SNX29: variants seen among roughly 807,000 people sequenced by gnomAD.
SNX29 encodes sorting nexin 29, also known as sorting nexin-29.
In SNX29, 78 loss-of-function variants were observed where a neutral mutation model predicts 102.1. The ratio of observed to expected loss-of-function variants is 0.76; its 90% confidence interval spans 0.64 to 0.92. The LOEUF (loss-of-function observed/expected upper bound fraction) is 0.92. Ranked by LOEUF, SNX29 falls within the 40% of genes least tolerant of loss-of-function variation. SNX29 has a pLI of 0.00. For missense variants in SNX29, 1,280 were observed against 1,061.7 expected (o/e 1.21, Z -2.86); for synonymous variants, 580 against 414.5 (o/e 1.40, Z -4.85).
intron 20 of SNX29, among the ~76,000 whole-genome samples, chr16:12,550,664 A>C (rs2077917123): frequency 6.6e-6 from 1 of 152,188 alleles, no homozygotes; most frequent in South Asian, 2.1e-4. Flanking sequence ...GTGGAGGACC[A>C]AGGTGGGAAG....
intron 15 of SNX29, among the ~76,000 whole-genome samples, chr16:12,325,524 C>G (rs544151056): frequency 6.6e-6 from 1 of 152,214 alleles, no homozygotes; most frequent in South Asian, 2.1e-4. Flanking sequence ...GAACTCATTG[C>G]TGAAGTTTAG....
Position 12,570,364 on chromosome 16 carries a change from T to A in SNX29, c.*1735T>A, listed in dbSNP as rs2079161143. 2.1e-6 allele frequency: 1 copy of A among 480,166 alleles called. No homozygotes were observed. Among genetic ancestry groups the A allele is most frequent in the Non-Finnish European group, 2.9e-6 (1 of 343,752 alleles). 29.7% of individuals were successfully genotyped at this position (480,166 alleles called of 1,614,324 possible). ...CACTCACCTGCCAACATTGCTGCAA[T>A]ACACATGGTTTATCTGAAATTCCAA... is the stretch of plus-strand genomic sequence containing the variant. On this transcript the variant is annotated 3_prime_UTR_variant, in exon 21 of 21. Coordinates refer to ENST00000566228, the MANE Select transcript of SNX29 (RefSeq NM_032167.5).
intron 15 of SNX29, among the ~76,000 whole-genome samples, chr16:12,294,350 C>G (rs1596793423): frequency 6.6e-6 from 1 of 152,192 alleles, no homozygotes; most frequent in East Asian, 1.9e-4. Flanking sequence ...CAGTGTCACT[C>G]TCAGTGGAAC....
At chr16:12,556,767 C>G (rs1423336476) in intron 20 of SNX29, among the ~76,000 whole-genome samples, 1 of 152,104 alleles carries the variant, frequency 6.6e-6, no homozygotes, top group Admixed American at 6.6e-5. Context: ...CCCCAGAGTT[C>G]TGGTTTGAGC....
intron 18 of SNX29, among the ~76,000 whole-genome samples, chr16:12,418,538 G>C (rs1333104926): frequency 2.0e-5 from 3 of 148,302 alleles, no homozygotes; most frequent in Non-Finnish European, 4.5e-5. Flanking sequence ...TTTTTGAGAT[G>C]GAGTCTCACT....
intron 4 of SNX29, among the ~76,000 whole-genome samples, chr16:12,030,002 T>A (rs1202746407): frequency 1.3e-5 from 2 of 152,336 alleles, no homozygotes; most frequent in Middle Eastern, 3.4e-3. Flanking sequence ...CAGTTACTGT[T>A]GCTGAGCTGC....
At chr16:12,041,192 C>T (rs2049866957) in intron 4 of SNX29, among the ~76,000 whole-genome samples, 1 of 151,718 alleles carries the variant, frequency 6.6e-6, no homozygotes, top group Non-Finnish European at 1.5e-5. Context: ...GCTCATTGCA[C>T]CTTCTGCCTA....
In SNX29 at chr16:12,048,368, G is replaced by T; in HGVS notation, c.500-4G>T. ...ACTCCAGACTTTTCCCTTTTTTTGG[G>T]CAGGTCTGAACTCCATACTCTTTGC... is the stretch of plus-strand genomic sequence containing the variant. On this transcript the variant is annotated splice_polypyrimidine_tract_variant and splice_region_variant and intron_variant, in intron 6 of 20. Coordinates refer to ENST00000566228, the MANE Select transcript of SNX29 (RefSeq NM_032167.5). The T allele has an allele frequency of 6.2e-7, 1 of 1,613,666 alleles. No individual in the cohort carries two copies. Among genetic ancestry groups the T allele is most frequent in the South Asian group, 1.1e-5 (1 of 91,046 alleles).
intron 14 of SNX29, among the ~76,000 whole-genome samples, chr16:12,241,162 C>T (rs1179019969): frequency 6.6e-6 from 1 of 152,000 alleles, no homozygotes; most frequent in African/African-American, 2.4e-5. Flanking sequence ...ACCGGGATTC[C>T]AATTATAATT....
chr16:12,175,963 G>T (rs2076251312), intron 13 of SNX29, among the ~76,000 whole-genome samples: 1 of 152,144 alleles, frequency 6.6e-6, no homozygotes, highest in Admixed American at 6.6e-5. Flanking sequence ...CTATGATTGT[G>T]TCATTGCGGT....
At chr16:12,481,968 G>C (rs185079960) in intron 19 of SNX29, among the ~76,000 whole-genome samples, 90 of 152,308 alleles carry the variant, frequency 5.9e-4, no homozygotes, top group African/African-American at 2.1e-3. Flanking sequence ...ATTTCCAAAG[G>C]AGGATTGAGT....
In SNX29 at chr16:12,477,739, C is replaced by T. The variant is rs376588732; in HGVS notation, c.2058C>T (p.Asp686=). The part of the protein sequence containing the change: ...HVYQVYIRIK[D]DEWNIYRRYT... Reference sequence around the variant, plus strand: ...GACAGGTCTACATCCGGATAAAAGACGATGAATGGAATATTTATCGCCGGT... The same window carrying T: ...GACAGGTCTACATCCGGATAAAAGATGATGAATGGAATATTTATCGCCGGT... The change falls in exon 19 of 21, where the codon GAC becomes GAT. Residue 686 remains aspartate (D), a synonymous_variant. Coordinates refer to ENST00000566228, the MANE Select transcript of SNX29 (RefSeq NM_032167.5). The T allele has an allele frequency of 3.6e-5, 58 of 1,611,800 alleles. No homozygotes were observed. The highest frequency in any genetic ancestry group is 1.5e-4 in the African/African-American group (11 of 74,726).
chr16:12,026,660 C>T (rs1160477770), intron 3 of SNX29, among the ~76,000 whole-genome samples: 1 of 152,182 alleles, frequency 6.6e-6, no homozygotes, highest in Non-Finnish European at 1.5e-5. Flanking sequence ...AAAATTCCAT[C>T]AACTCACAAT....
intron 14 of SNX29, among the ~76,000 whole-genome samples, chr16:12,247,284 G>A (rs1037098847): frequency 6.6e-6 from 1 of 152,162 alleles, no homozygotes; most frequent in African/African-American, 2.4e-5. Flanking sequence ...AAGGGTATGG[G>A]AGATAAAGTG....
At chr16:12,531,093 T>G (rs1351175229) in intron 20 of SNX29, among the ~76,000 whole-genome samples, 2 of 152,214 alleles carry the variant, frequency 1.3e-5, no homozygotes, top group South Asian at 4.1e-4. Context: ...CATTTTAAAT[T>G]TTTCCTGACA....
chr16:12,430,637 C>T (rs111716278), intron 18 of SNX29, among the ~76,000 whole-genome samples: 1,893 of 152,266 alleles, frequency 0.012, 44 homozygotes, highest in African/African-American at 0.038. Flanking sequence ...TTGTAAAGCA[C>T]TTATATAGTC....
chr16:12,377,281 G>C (rs372388864), intron 16 of SNX29, among the ~76,000 whole-genome samples: 1 of 152,172 alleles, frequency 6.6e-6, no homozygotes, highest in East Asian at 1.9e-4. Flanking sequence ...AAAACACATA[G>C]ATTTCTGTCT....
At chr16:12,006,926 C>A (rs1415986515) in intron 3 of SNX29, among the ~76,000 whole-genome samples, 2 of 152,152 alleles carry the variant, frequency 1.3e-5, no homozygotes, top group Non-Finnish European at 2.9e-5. Flanking sequence ...TGGGTTATCC[C>A]TTTTTTACTG....
intron 16 of SNX29, among the ~76,000 whole-genome samples, chr16:12,385,176 A>G (rs149076303): frequency 1.1e-3 from 172 of 152,332 alleles, no homozygotes; most frequent in Non-Finnish European, 2.0e-3. Flanking sequence ...ATCTCAAAAA[A>G]GAAAAAAGAA....
Sources: gnomAD v4.1 joint callset for allele counts (sites outside exome capture counted in the v4.1 genomes callset) on GRCh38, gnomAD v4.1.1 for gene constraint, MANE v1.5 for transcripts, NCBI Gene and HGNC (gene_info 2026-07-23, HGNC 2026-07-21) for gene names.